Variants in IQSEC1 observed in about 807,000 individuals in gnomAD.
IQSEC1 encodes the protein IQ motif and SEC7 domain-containing protein 1.
IQSEC1 carries 31 observed loss-of-function variants against 91.0 expected under a neutral mutation model. The observed-to-expected ratio is 0.34, with a 90% CI of 0.26 to 0.46. IQSEC1 has a LOEUF of 0.46. IQSEC1 is among the 20% of genes least tolerant of loss of function. The probability of loss-of-function intolerance (pLI) is 1.00; values close to 1 mark genes in which losing one functional copy is unlikely to be tolerated. For synonymous variants in IQSEC1, 699 were observed against 662.6 expected (o/e 1.05, Z -0.84); for missense variants, 1,388 against 1,575.6 (o/e 0.88, Z 2.02).
chr3:12,922,345 T>A lies in IQSEC1; in HGVS notation c.1731-103A>T. ...CCTGAAGCCCTGGGAATGGACCGCCTCCTGGCAGGGAGAGCCCCTGCCTGA... is the reference window on the plus strand; with the variant it reads ...CCTGAAGCCCTGGGAATGGACCGCCACCTGGCAGGGAGAGCCCCTGCCTGA... On this transcript the variant is annotated intron_variant, in intron 4 of 13. Coordinates refer to ENST00000613206, the MANE Select transcript of IQSEC1 (RefSeq NM_001134382.3). The surrounding 1 kb of genome is among the most constrained non-coding windows in gnomAD (Gnocchi z 5.1). 2 of 1,370,686 alleles carry A rather than the reference T, an allele frequency of 1.5e-6. No individual in the cohort carries two copies. Among genetic ancestry groups the A allele is most frequent in the South Asian group, 3.2e-5 (2 of 61,718 alleles). 84.9% of individuals were successfully genotyped at this position (1,370,686 alleles called of 1,614,324 possible).
chr3:12,975,209 CA>C (rs1428121237), intron 1 of IQSEC1, among the ~76,000 whole-genome samples: 1 of 152,212 alleles, frequency 6.6e-6, no homozygotes, highest in Non-Finnish European at 1.5e-5. Context: ...TGTACGGGGG[CA>C]AAAGTGCAAG....
intron 1 of IQSEC1, among the ~76,000 whole-genome samples, chr3:13,038,704 C>T (rs189596054): frequency 6.6e-5 from 10 of 151,918 alleles, no homozygotes; most frequent in Non-Finnish European, 1.3e-4. Flanking sequence ...GGGATGGATA[C>T]CCTCAATGTC....
chr3:12,970,769 T>C lies in IQSEC1; in HGVS notation c.24-28904A>G, dbSNP rs913095706. Among the ~76,000 whole-genome samples the C allele has an allele frequency of 6.6e-6, 1 of 152,218 alleles. No individual in the cohort carries two copies. The highest frequency in any genetic ancestry group is 1.5e-5 in the Non-Finnish European group (1 of 68,042). The stretch of plus-strand genomic sequence containing the variant: ...GTCACTGCTCCCAGAAAGACACCCA[T>C]GACCAGCGCCTAGTCCAAGTCAGAA... On this transcript the variant is annotated intron_variant, in intron 1 of 13. Coordinates refer to ENST00000613206, the MANE Select transcript of IQSEC1 (RefSeq NM_001134382.3). The surrounding 1 kb of genome is among the most constrained non-coding windows in gnomAD (Gnocchi z 4.4).
At chr3:13,122,563 G>T (rs1021032383) in intron 2 of IQSEC1, among the ~76,000 whole-genome samples, 1 of 152,166 alleles carries the variant, frequency 6.6e-6, no homozygotes, top group South Asian at 2.1e-4. Flanking sequence ...TCCACCCCAG[G>T]AGACACACGG....
At chr3:13,209,009 T>A (rs139948540) in intron 1 of IQSEC1, among the ~76,000 whole-genome samples, 46 of 152,284 alleles carry the variant, frequency 3.0e-4, no homozygotes, top group African/African-American at 1.0e-3. Context: ...CAGCAGCACC[T>A]TCCGGGCTCA....
At chr3:13,020,041 C>T (rs1201433875) in intron 1 of IQSEC1, among the ~76,000 whole-genome samples, 1 of 152,202 alleles carries the variant, frequency 6.6e-6, no homozygotes, top group Non-Finnish European at 1.5e-5. Context: ...GCACAGCGGG[C>T]CTCCCAGTGC....
intron 2 of IQSEC1, among the ~76,000 whole-genome samples, chr3:13,090,042 C>T (rs930643516): frequency 2.0e-4 from 30 of 149,964 alleles, no homozygotes; most frequent in Non-Finnish European, 2.4e-4. Context: ...GGTGAAACCC[C>T]GTCTCCACTA....
At chr3:13,202,601 T>G (rs924759160) in intron 1 of IQSEC1, among the ~76,000 whole-genome samples, 3 of 151,494 alleles carry the variant, frequency 2.0e-5, no homozygotes, top group African/African-American at 7.3e-5. Flanking sequence ...AGACAGAAAG[T>G]GGAATGGTGG....
Position 12,901,142 on chromosome 3 carries a change from G to A in IQSEC1, c.3186C>T (p.Pro1062=). ...CCCCGTAGGCTGGGTGGCCCCCATG[G>A]GGGCCGTGGTGGTACTGGTGTGCGT... The part of the protein sequence containing the change: ...IQHAHQYHHG[P]HGGHPAYGAH... Residue 1062 remains proline (P), a synonymous_variant, in exon 14 of 14, where the codon CCC becomes CCT. Transcript: ENST00000613206. The A allele has an allele frequency of 6.5e-7, 1 of 1,543,906 alleles. No individual in the cohort carries two copies. Among genetic ancestry groups the A allele is most frequent in the East Asian group, 2.4e-5 (1 of 40,888 alleles).
chr3:12,987,688 G>A (rs1457493788), intron 1 of IQSEC1, among the ~76,000 whole-genome samples: 1 of 152,210 alleles, frequency 6.6e-6, no homozygotes, highest in Non-Finnish European at 1.5e-5. Context: ...GGTCTACAAT[G>A]TGGATAACTG....
intron 2 of IQSEC1, among the ~76,000 whole-genome samples, chr3:13,143,688 C>T (rs1110677): frequency 0.27 from 40,376 of 151,958 alleles, 5,561 homozygotes; most frequent in South Asian, 0.45. Context: ...GAGAGAAGGT[C>T]CATTTCTGTT....
At chr3:12,912,027 G>T (rs1173639235) in intron 9 of IQSEC1, among the ~76,000 whole-genome samples, 3 of 152,240 alleles carry the variant, frequency 2.0e-5, no homozygotes, top group South Asian at 2.1e-4. Context: ...CACACCCGGG[G>T]CTTGGCACCT....
chr3:13,145,049 C>G (rs1373420437), intron 2 of IQSEC1, among the ~76,000 whole-genome samples: 1 of 152,196 alleles, frequency 6.6e-6, no homozygotes, highest in African/African-American at 2.4e-5. Flanking sequence ...GCCAGTCAGG[C>G]AGAAAGCACC....
intron 1 of IQSEC1, among the ~76,000 whole-genome samples, chr3:13,258,240 A>G (rs982257323): frequency 2.0e-5 from 3 of 152,252 alleles, no homozygotes; most frequent in Non-Finnish European, 4.4e-5. Flanking sequence ...TGCCACACTA[A>G]TGCAAGATAA....
At chr3:13,026,883 G>GT (rs762046216) in intron 1 of IQSEC1, among the ~76,000 whole-genome samples, 46 of 62,688 alleles carry the variant, frequency 7.3e-4, no homozygotes, top group East Asian at 3.7e-3. Flanking sequence ...TTTTTTGTTT[G>GT]TTTTTTTTTT....
intron 2 of IQSEC1, among the ~76,000 whole-genome samples, chr3:13,119,713 C>T (rs1163200945): frequency 6.6e-6 from 1 of 152,264 alleles, no homozygotes; most frequent in Non-Finnish European, 1.5e-5. Flanking sequence ...CACGTGGGAG[C>T]TTCAGGAGGA....
At chr3:12,905,744 G>C (rs1163602057) in intron 12 of IQSEC1, among the ~76,000 whole-genome samples, 3 of 152,266 alleles carry the variant, frequency 2.0e-5, no homozygotes, top group African/African-American at 7.2e-5. Context: ...CTGCTCCCCT[G>C]TAACGGGACA....
intron 2 of IQSEC1, among the ~76,000 whole-genome samples, chr3:13,161,656 G>A (rs1707178683): frequency 1.3e-5 from 2 of 152,306 alleles, no homozygotes; most frequent in South Asian, 4.1e-4. Context: ...AAGCCATGAC[G>A]AGTCACATCT....
intron 1 of IQSEC1, among the ~76,000 whole-genome samples, chr3:13,224,153 G>A (rs1559280684): frequency 6.6e-6 from 1 of 152,130 alleles, no homozygotes; most frequent in Non-Finnish European, 1.5e-5. Context: ...CAGGGCCGGT[G>A]CAGAGCGAGA....
Sources: gnomAD v4.1 joint callset for allele counts (sites outside exome capture counted in the v4.1 genomes callset) on GRCh38, gnomAD v4.1.1 for gene constraint, Gnocchi (gnomAD v3.1) non-coding constraint, MANE v1.5 for transcripts, NCBI Gene and HGNC (gene_info 2026-07-23, HGNC 2026-07-21) for gene names.